Variants in FRMD5 observed in about 807,000 individuals in gnomAD.
FRMD5 encodes the protein FERM domain containing 5, also known as FERM domain-containing protein 5.
A neutral mutation model predicts 69.0 loss-of-function variants in FRMD5; 20 were observed. That is an observed-to-expected ratio of 0.29 (90% CI 0.20 to 0.42). The LOEUF (loss-of-function observed/expected upper bound fraction) is 0.42. Among genes scored for constraint, FRMD5 ranks in the 10% least tolerant of loss-of-function variants. The pLI, the probability that FRMD5 is intolerant of heterozygous loss-of-function variation, is 1.00. For missense variants in FRMD5, 595 were observed against 708.6 expected, an observed-to-expected ratio of 0.84 and a Z score of 1.82; for synonymous variants, 271 against 260.1, an observed-to-expected ratio of 1.04 and a Z score of -0.40.
At chr15:44,116,918 C>T (rs2076876780) in intron 1 of FRMD5, among the ~76,000 whole-genome samples, 1 of 146,988 alleles carries the variant, frequency 6.8e-6, no homozygotes, top group South Asian at 2.2e-4. Flanking sequence ...CCTGTCTCTA[C>T]TAAAAATACA....
intron 1 of FRMD5, among the ~76,000 whole-genome samples, chr15:44,051,786 T>C (rs1181803327): frequency 6.6e-6 from 1 of 152,168 alleles, no homozygotes; most frequent in African/African-American, 2.4e-5. Context: ...TCTGATGTTT[T>C]CCTCATGATT....
chr15:44,166,352 C>T (rs1595545854), intron 1 of FRMD5, among the ~76,000 whole-genome samples: 1 of 152,086 alleles, frequency 6.6e-6, no homozygotes, highest in African/African-American at 2.4e-5. Context: ...ATATTGGCTG[C>T]AAATTTTTCT....
upstream of FRMD5, among the ~76,000 whole-genome samples, chr15:44,197,754 C>T (rs530317583): frequency 5.3e-5 from 8 of 150,268 alleles, no homozygotes; most frequent in East Asian, 1.4e-3. Flanking sequence ...GCAAAAGTTA[C>T]TGTTTGTTAT....
chr15:43,999,654 T>C (rs375329791), intron 1 of FRMD5, among the ~76,000 whole-genome samples: 44 of 152,150 alleles, frequency 2.9e-4, no homozygotes, highest in African/African-American at 1.0e-3. Flanking sequence ...TTGACTTTCT[T>C]AGATTCCACA....
At chr15:44,125,117 C>A (rs2077008121) in intron 1 of FRMD5, among the ~76,000 whole-genome samples, 1 of 152,092 alleles carries the variant, frequency 6.6e-6, no homozygotes, top group Non-Finnish European at 1.5e-5. Flanking sequence ...TTGTGCAAGT[C>A]AAAATCAAAA....
Position 43,883,396 on chromosome 15 carries a change from C to T in FRMD5, c.1135+307G>A, listed in dbSNP as rs183127557. On this transcript the variant is annotated intron_variant, in intron 13 of 13. Coordinates refer to ENST00000417257, the MANE Select transcript of FRMD5 (RefSeq NM_032892.5). ...TACAGGTGTGAGCCACCGCACAGGG[C>T]GTGAAAATCCTCTTGATGGAAAGCA... Among the ~76,000 whole-genome samples the T allele has an allele frequency of 1.2e-3, 181 of 152,270 alleles. 3 individuals are homozygous for T. In the South Asian group the frequency reaches 0.028, roughly 24 times the overall value.
intron 1 of FRMD5, among the ~76,000 whole-genome samples, chr15:43,947,085 T>G (rs1226240063): frequency 6.6e-6 from 1 of 152,258 alleles, no homozygotes; most frequent in Non-Finnish European, 1.5e-5. Flanking sequence ...TGTCTACTTT[T>G]AAAGTTATCA....
intron 1 of FRMD5, among the ~76,000 whole-genome samples, chr15:43,985,503 G>A (rs971622353): frequency 3.9e-5 from 6 of 151,978 alleles, no homozygotes; most frequent in East Asian, 1.9e-4. Flanking sequence ...AGGAAAGCAT[G>A]GTTTATATTA....
chr15:43,903,324 G>A (rs2089092403), intron 6 of FRMD5, among the ~76,000 whole-genome samples: 1 of 152,204 alleles, frequency 6.6e-6, no homozygotes, highest in Admixed American at 6.5e-5. Context: ...TTTGCCTCAG[G>A]TGATATGGCC....
At chr15:44,083,215 C>A (rs1894063068) in intron 1 of FRMD5, among the ~76,000 whole-genome samples, 1 of 151,988 alleles carries the variant, frequency 6.6e-6, no homozygotes, top group African/African-American at 2.4e-5. Flanking sequence ...ATATCCTACT[C>A]TCTTTGGTAT....
At chr15:44,025,194 T>C (rs1046711407) in intron 1 of FRMD5, among the ~76,000 whole-genome samples, 1 of 152,076 alleles carries the variant, frequency 6.6e-6, no homozygotes, top group African/African-American at 2.4e-5. Context: ...GATACAAATA[T>C]ATACAAATAA....
At chr15:44,069,485 A>G (rs1893442516) in intron 1 of FRMD5, among the ~76,000 whole-genome samples, 1 of 151,728 alleles carries the variant, frequency 6.6e-6, no homozygotes, top group African/African-American at 2.4e-5. Flanking sequence ...ACTACTCAGC[A>G]ATAAAAAAAA....
At chr15:43,975,461 G>C (rs1407355104) in intron 1 of FRMD5, among the ~76,000 whole-genome samples, 2 of 152,170 alleles carry the variant, frequency 1.3e-5, no homozygotes, top group African/African-American at 4.8e-5. Context: ...CAATAGAGAA[G>C]AGGAAACCTG....
At chr15:43,991,373 T>C (rs1889667267) in intron 1 of FRMD5, among the ~76,000 whole-genome samples, 1 of 152,188 alleles carries the variant, frequency 6.6e-6, no homozygotes, top group Admixed American at 6.5e-5. Flanking sequence ...GCAGTGGCTT[T>C]GATGTACGCA....
intron 1 of FRMD5, among the ~76,000 whole-genome samples, chr15:43,959,029 C>T (rs2090157352): frequency 6.6e-6 from 1 of 152,222 alleles, no homozygotes; most frequent in Non-Finnish European, 1.5e-5. Flanking sequence ...AAAGCCTTCT[C>T]AAGCCTTAAC....
chr15:44,129,907 C>T (rs1429185457), intron 1 of FRMD5, among the ~76,000 whole-genome samples: 1 of 152,196 alleles, frequency 6.6e-6, no homozygotes, highest in East Asian at 1.9e-4. Flanking sequence ...GAGCCCCAGG[C>T]AAAGCACATG....
Position 43,873,431 on chromosome 15 carries a change from G to A in FRMD5, c.*454C>T. 1 of 1,433,366 alleles carries A rather than the reference G, an allele frequency of 7.0e-7. No homozygotes were observed. The highest frequency in any genetic ancestry group is 9.1e-7 in the Non-Finnish European group (1 of 1,103,824). 88.8% of individuals were successfully genotyped at this position (1,433,366 alleles called of 1,614,324 possible). ...GCAGTGATGAGTCTACTGGAACCCA[G>A]TGGCACCAGCAGGAAAAGCTCCTGC... On this transcript the variant is annotated 3_prime_UTR_variant, in exon 14 of 14. Coordinates refer to ENST00000417257, the MANE Select transcript of FRMD5 (RefSeq NM_032892.5).
chr15:44,024,418 T>C (rs1421609327), intron 1 of FRMD5, among the ~76,000 whole-genome samples: 1 of 152,200 alleles, frequency 6.6e-6, no homozygotes, highest in Non-Finnish European at 1.5e-5. Context: ...CTTTTGTACC[T>C]AGCATTGTGC....
intron 1 of FRMD5, among the ~76,000 whole-genome samples, chr15:44,036,709 C>G (rs2140301121): frequency 6.6e-6 from 1 of 152,324 alleles, no homozygotes; most frequent in East Asian, 1.9e-4. Flanking sequence ...TTTTCTAATA[C>G]AAAATAGTAT....
Sources: allele counts gnomAD v4.1 joint callset (sites outside exome capture counted in the v4.1 genomes callset), GRCh38; gene constraint gnomAD v4.1.1; transcripts MANE v1.5; gene names NCBI Gene and HGNC (gene_info 2026-07-23, HGNC 2026-07-21).